SNX8: variants seen among roughly 807,000 people sequenced by gnomAD.
The protein encoded by SNX8 is sorting nexin 8, also known as sorting nexin-8.
SNX8 carries 25 observed loss-of-function variants against 51.6 expected under a neutral mutation model. The ratio of observed to expected loss-of-function variants is 0.48; its 90% confidence interval spans 0.35 to 0.68. The LOEUF (loss-of-function observed/expected upper bound fraction) is 0.68, where lower values mean the gene tolerates loss of function less well. SNX8 is among the 30% of genes least tolerant of loss of function. The pLI, the probability that SNX8 is intolerant of heterozygous loss-of-function variation, is 0.00. For synonymous variants in SNX8, 324 were observed against 277.0 expected (o/e 1.17, Z -1.68); for missense variants, 695 against 624.0 (o/e 1.11, Z -1.21).
chr7:2,336,951 G>A (rs1778840914), intron 1 of SNX8, among the ~76,000 whole-genome samples: 1 of 151,982 alleles, frequency 6.6e-6, no homozygotes, highest in African/African-American at 2.4e-5. Context: ...GGAGGTTGCA[G>A]TGAGCCGAGA....
At chr7:2,256,086 C>T (rs1401473413) in intron 10 of SNX8, among the ~76,000 whole-genome samples, 3 of 152,224 alleles carry the variant, frequency 2.0e-5, no homozygotes, top group Admixed American at 6.5e-5. Context: ...AGGACACACC[C>T]GGCCACTCAC....
intron 1 of SNX8, among the ~76,000 whole-genome samples, chr7:2,300,961 C>T (rs1796377103): frequency 6.6e-6 from 1 of 152,098 alleles, no homozygotes; most frequent in African/African-American, 2.4e-5. Flanking sequence ...GGAGCTTAAA[C>T]CCAACCTCGA....
At chr7:2,334,367 G>C (rs917963033) in intron 1 of SNX8, among the ~76,000 whole-genome samples, 1 of 150,402 alleles carries the variant, frequency 6.6e-6, no homozygotes, top group African/African-American at 2.4e-5. Context: ...CGCACCACTG[G>C]ACTCCAGCCA....
chr7:2,331,461 C>G (rs868379866), intron 1 of SNX8, among the ~76,000 whole-genome samples: 9 of 152,028 alleles, frequency 5.9e-5, no homozygotes, highest in Middle Eastern at 3.4e-3. Context: ...AATCCCAGCA[C>G]TTTAGGAGGT....
chr7:2,326,981 G>A (rs759423071), intron 1 of SNX8, among the ~76,000 whole-genome samples: 6 of 152,054 alleles, frequency 3.9e-5, no homozygotes, highest in African/African-American at 1.2e-4. Flanking sequence ...AAAATATTAC[G>A]AACTTGGTGG....
chr7:2,341,621 A>G (rs996990244), intron 1 of SNX8, among the ~76,000 whole-genome samples: 2 of 152,054 alleles, frequency 1.3e-5, no homozygotes, highest in Admixed American at 1.3e-4. Context: ...GCAGTGAGCC[A>G]TGTTCTCACC....
Position 2,296,551 on chromosome 7 carries a change from C to T in SNX8, c.94+17777G>A, listed in dbSNP as rs567102046. 2.6e-5 allele frequency among the ~76,000 whole-genome samples: 4 copies of T among 152,064 alleles called. No individual in the cohort carries two copies. In the East Asian group the frequency reaches 7.7e-4, roughly 29 times the overall value. On this transcript the variant is annotated intron_variant, in intron 1 of 10. Coordinates refer to ENST00000222990, the MANE Select transcript of SNX8 (RefSeq NM_013321.4). The stretch of plus-strand genomic sequence containing the variant: ...AGAGATAGTTTGACTTCCTCTCTTC[C>T]AATCCAGATGCACTTTATTTCTCTT...
rs561629438 is a variant in SNX8, at chr7:2,285,471, G to A, written c.95-7166C>T. ...CAGGAAATGGAAGCAGAAGTTTCCT[G>A]ATCCATATTATAGCCATGGCATTAG... On this transcript the variant is annotated intron_variant, in intron 1 of 10. Coordinates refer to ENST00000222990, the MANE Select transcript of SNX8 (RefSeq NM_013321.4). Among the ~76,000 whole-genome samples, 15 of 152,258 alleles carry A rather than the reference G, an allele frequency of 9.9e-5. No individual in the cohort carries two copies. In the South Asian group the frequency reaches 2.9e-3, roughly 29 times the overall value.
chr7:2,275,638 G>A (rs1795760817), intron 2 of SNX8, among the ~76,000 whole-genome samples: 1 of 151,450 alleles, frequency 6.6e-6, no homozygotes, highest in African/African-American at 2.4e-5. Flanking sequence ...GGAGACAGAG[G>A]TTGCAGTGAT....
rs188407994 is a variant in SNX8 at position 2,349,786 on chromosome 7, G to A, written c.-66+4436C>T. On this transcript the variant is annotated intron_variant, in intron 1 of 5. Coordinates refer to the SNX8 transcript ENST00000435336. ...CTCACTCTGTTGCCCAGGCTGGAGT[G>A]CAGTGGCTCGATCCTGGCTCACTGC... Among the ~76,000 whole-genome samples, 36 of 152,148 alleles carry A rather than the reference G, an allele frequency of 2.4e-4. 1 individual carries two copies. The East Asian group carries it at 5.2e-3, about 22-fold the overall frequency.
chr7:2,341,677 G>C (rs1440205929), intron 1 of SNX8, among the ~76,000 whole-genome samples: 1 of 151,926 alleles, frequency 6.6e-6, no homozygotes, highest in Non-Finnish European at 1.5e-5. Flanking sequence ...TATCTCAAAA[G>C]CAAAAACCAA....
chr7:2,278,619 AC>A (rs1795839883), intron 1 of SNX8, among the ~76,000 whole-genome samples: 1 of 77,902 alleles, frequency 1.3e-5, no homozygotes, highest in Non-Finnish European at 3.6e-5. Context: ...TCGACGCCGG[AC>A]TCACTCACAC....
intron 1 of SNX8, among the ~76,000 whole-genome samples, chr7:2,344,184 C>T (rs1386002076): frequency 6.6e-6 from 1 of 151,432 alleles, no homozygotes; most frequent in African/African-American, 2.4e-5. Flanking sequence ...GGCGACAGAG[C>T]AAGACTCAGT....
At chr7:2,352,950 A>T (rs997083042) in intron 1 of SNX8, among the ~76,000 whole-genome samples, 25 of 152,182 alleles carry the variant, frequency 1.6e-4, no homozygotes, top group African/African-American at 5.8e-4. Context: ...GAGTAGTCAA[A>T]CCTGGTACTA....
intron 1 of SNX8, among the ~76,000 whole-genome samples, chr7:2,302,753 C>T (rs1048444658): frequency 2.6e-5 from 4 of 151,770 alleles, no homozygotes; most frequent in African/African-American, 7.3e-5. Context: ...TCTGCCCCAC[C>T]GCCCCGTCTG....
intron 1 of SNX8, among the ~76,000 whole-genome samples, chr7:2,313,572 A>C (rs1796702848): frequency 1.3e-5 from 2 of 151,910 alleles, no homozygotes; most frequent in African/African-American, 4.8e-5. Flanking sequence ...AGAAAAAGAC[A>C]GAAATACAGG....
intron 1 of SNX8, among the ~76,000 whole-genome samples, chr7:2,282,518 T>G (rs986951587): frequency 6.6e-6 from 1 of 152,220 alleles, no homozygotes; most frequent in Non-Finnish European, 1.5e-5. Flanking sequence ...AAGCGAGTTA[T>G]CCACAAATCA....
At chr7:2,264,124 G>A (rs919024839) in intron 6 of SNX8, among the ~76,000 whole-genome samples, 174 bp downstream of exon 6, 9 of 152,088 alleles carry the variant, frequency 5.9e-5, no homozygotes, top group African/African-American at 1.9e-4. Flanking sequence ...AAATTCTCCC[G>A]TGTTTCTTCC....
chr7:2,269,715 G>T, intron 4 of SNX8, 76 bp from the exon 5 acceptor site: 1 of 933,604 alleles, frequency 1.1e-6, no homozygotes, highest in South Asian at 1.5e-5. Context: ...GGGTCACTGT[G>T]GAGCGGGAGG....
Sources: allele counts gnomAD v4.1 joint callset (sites outside exome capture counted in the v4.1 genomes callset), GRCh38; gene constraint gnomAD v4.1.1; transcripts MANE v1.5; gene names NCBI Gene and HGNC (gene_info 2026-07-23, HGNC 2026-07-21).